The following CHN2 variants were observed in gnomAD, a reference collection of about 807,000 sequenced individuals.
The protein encoded by CHN2 is chimerin 2.
In CHN2, 35 loss-of-function variants were observed where a neutral mutation model predicts 56.3. The observed-to-expected ratio is 0.62, with a 90% CI of 0.47 to 0.82. The LOEUF (loss-of-function observed/expected upper bound fraction) is 0.82, where lower values mean the gene tolerates loss of function less well. CHN2 is among the 40% of genes least tolerant of loss of function. The pLI, the probability that CHN2 is intolerant of heterozygous loss-of-function variation, is 0.00. For missense variants in CHN2, 491 were observed against 580.5 expected (o/e 0.85, Z 1.58); for synonymous variants, 210 against 212.8 (o/e 0.99, Z 0.12).
At chr7:29,424,572 A>G (rs1486160955) in intron 6 of CHN2, among the ~76,000 whole-genome samples, 3 of 152,198 alleles carry the variant, frequency 2.0e-5, no homozygotes, top group Non-Finnish European at 4.4e-5. Flanking sequence ...GACTTTCTCC[A>G]TGAATTGGCA....
intron 7 of CHN2, among the ~76,000 whole-genome samples, chr7:29,494,172 C>T (rs1274310804): frequency 6.6e-6 from 1 of 152,170 alleles, no homozygotes; most frequent in Non-Finnish European, 1.5e-5. Flanking sequence ...TACATCTGGT[C>T]ACCTTCCAAA....
At chr7:29,392,802 A>G (rs1267370372) in intron 3 of CHN2, among the ~76,000 whole-genome samples, 2 of 152,244 alleles carry the variant, frequency 1.3e-5, no homozygotes, top group Non-Finnish European at 2.9e-5. Flanking sequence ...ACTGTGAATA[A>G]AACAGCTGCC....
chr7:29,268,921 A>C (rs1790384556), intron 1 of CHN2, among the ~76,000 whole-genome samples: 1 of 152,246 alleles, frequency 6.6e-6, no homozygotes, highest in South Asian at 2.1e-4. Flanking sequence ...TAATTTAAAA[A>C]AATGTTTATG....
chr7:29,244,314 G>A (rs1488236341), intron 1 of CHN2, among the ~76,000 whole-genome samples: 2 of 152,150 alleles, frequency 1.3e-5, no homozygotes, highest in Admixed American at 1.3e-4. Context: ...GAATGTCTAA[G>A]ACCATGAAGC....
At position 29,246,626 on chromosome 7, in the gene CHN2, G is replaced by A. The variant is rs78434396; in HGVS notation, c.49+51636G>A. On this transcript the variant is annotated intron_variant, in intron 1 of 12. Transcript: ENST00000222792. ...AAGGTAGCTCACATAACTTAAGTAC[G>A]TGTCTTAGTCCATTCAGACTGCTAT... is the stretch of plus-strand genomic sequence containing the variant. Among the ~76,000 whole-genome samples, 914 of 152,244 alleles carry A rather than the reference G, an allele frequency of 6.0e-3. 4 individuals carry two copies. Among genetic ancestry groups the A allele is most frequent in the African/African-American group, 0.021 (867 of 41,542 alleles).
At chr7:29,423,436 G>A (rs1254264598) in intron 6 of CHN2, among the ~76,000 whole-genome samples, 3 of 152,192 alleles carry the variant, frequency 2.0e-5, no homozygotes, top group African/African-American at 7.2e-5. Flanking sequence ...CAAGTCTGAA[G>A]GACCAGCCAC....
intron 2 of CHN2, among the ~76,000 whole-genome samples, chr7:29,151,950 C>T (rs1156957735): frequency 2.0e-5 from 3 of 152,200 alleles, no homozygotes; most frequent in Non-Finnish European, 4.4e-5. Flanking sequence ...TAAACAAACT[C>T]CCTTAGGTGA....
chr7:29,355,482 TGAA>T (rs1412519713), intron 2 of CHN2, among the ~76,000 whole-genome samples: 3 of 152,146 alleles, frequency 2.0e-5, no homozygotes, highest in Admixed American at 6.6e-5. Flanking sequence ...GCTCCCCTCG[TGAA>T]GGCAGGCGGC....
chr7:29,170,186 A>C (rs1025632676), intron 2 of CHN2, among the ~76,000 whole-genome samples: 4 of 152,080 alleles, frequency 2.6e-5, no homozygotes, highest in Admixed American at 2.0e-4. Context: ...CATGGTCCTA[A>C]GGTGCTTCCT....
At chr7:29,314,397 G>A (rs1410636734) in intron 1 of CHN2, among the ~76,000 whole-genome samples, 1 of 152,182 alleles carries the variant, frequency 6.6e-6, no homozygotes, top group African/African-American at 2.4e-5. Flanking sequence ...GAGGAATGGA[G>A]ATTGGTTGTT....
chr7:29,487,211 T>G (rs1194085570), intron 7 of CHN2, among the ~76,000 whole-genome samples: 2 of 151,758 alleles, frequency 1.3e-5, no homozygotes, highest in African/African-American at 2.4e-5. Flanking sequence ...GTTTTGTTTT[T>G]TTTTTGTTTG....
intron 2 of CHN2, among the ~76,000 whole-genome samples, chr7:29,163,673 A>C (rs142530972): frequency 1.1e-4 from 16 of 152,266 alleles, no homozygotes; most frequent in African/African-American, 3.9e-4. Context: ...AAACATTCTC[A>C]TTGCCCCCAA....
intron 6 of CHN2, chr7:29,479,915 C>G (rs1251970509): frequency 7.0e-7 from 1 of 1,433,564 alleles, no homozygotes; most frequent in Admixed American, 2.9e-5. Flanking sequence ...ACAAAACAGG[C>G]CCATCCTTAT....
At chr7:29,419,782 A>G (rs1217654983) in intron 6 of CHN2, among the ~76,000 whole-genome samples, 2 of 152,208 alleles carry the variant, frequency 1.3e-5, no homozygotes, top group Non-Finnish European at 2.9e-5. Flanking sequence ...GAAAACCACA[A>G]GGAAATATTA....
intron 1 of CHN2, among the ~76,000 whole-genome samples, chr7:29,268,129 T>A (rs2128842178): frequency 6.6e-6 from 1 of 152,248 alleles, no homozygotes; most frequent in African/African-American, 2.4e-5. Context: ...CTCCTGAAAC[T>A]AAGGGTGTGG....
At chr7:29,489,148 C>G (rs1788375198) in intron 7 of CHN2, among the ~76,000 whole-genome samples, 1 of 152,206 alleles carries the variant, frequency 6.6e-6, no homozygotes, top group Non-Finnish European at 1.5e-5. Flanking sequence ...TGAGATCTTT[C>G]TGGATGACTC....
rs1372903396 is a variant in CHN2 at position 29,325,942 on chromosome 7, CCT to C, written c.50-28680_50-28679del. ...ATCTGCTTCTAAATAGACTCTGAGACCTCTGTGTCCTTCTCTATAACATGAGA... is the reference window on the plus strand; with the variant it reads ...ATCTGCTTCTAAATAGACTCTGAGACCTGTGTCCTTCTCTATAACATGAGA... On this transcript the variant is annotated intron_variant, in intron 1 of 12. Transcript: ENST00000222792. Among the ~76,000 whole-genome samples the C allele has an allele frequency of 2.6e-5, 4 of 152,158 alleles. No individual in the cohort carries two copies. In the South Asian group the frequency reaches 6.2e-4, roughly 24 times the overall value.
intron 1 of CHN2, among the ~76,000 whole-genome samples, chr7:29,344,455 C>A (rs1431662885): frequency 6.6e-6 from 1 of 152,118 alleles, no homozygotes; most frequent in Non-Finnish European, 1.5e-5. Context: ...CCAAAACACC[C>A]TCTGGCCACC....
chr7:29,269,201 C>T (rs1790412702), intron 1 of CHN2, among the ~76,000 whole-genome samples: 1 of 152,200 alleles, frequency 6.6e-6, no homozygotes, highest in Admixed American at 6.5e-5. Flanking sequence ...TTATTCCCCT[C>T]TCCCCACTAC....
Sources: allele counts gnomAD v4.1 joint callset (sites outside exome capture counted in the v4.1 genomes callset), GRCh38; gene constraint gnomAD v4.1.1; transcripts MANE v1.5; gene names NCBI Gene and HGNC (gene_info 2026-07-23, HGNC 2026-07-21).